DSC3: variants seen among roughly 807,000 people sequenced by gnomAD.
DSC3 encodes the protein desmocollin 3, also known as desmocollin-3.
Under a neutral mutation model 89.5 loss-of-function variants are expected in DSC3, and 97 were observed. The ratio of observed to expected loss-of-function variants is 1.08; its 90% confidence interval spans 0.92 to 1.28. The LOEUF (loss-of-function observed/expected upper bound fraction) is 1.28, where lower values mean the gene tolerates loss of function less well. DSC3 is among the 50% of genes most tolerant of loss of function. The pLI is 0.00. For synonymous variants in DSC3, 436 were observed against 384.1 expected, an observed-to-expected ratio of 1.14 and a Z score of -1.58; for missense variants, 1,199 against 1,085.3, an observed-to-expected ratio of 1.10 and a Z score of -1.47.
intron 7 of DSC3, 38 bp downstream of exon 7, chr18:31,022,298 C>A (rs776656173): frequency 9.3e-6 from 15 of 1,613,172 alleles, no homozygotes; most frequent in Non-Finnish European, 1.3e-5. Flanking sequence ...GAAGCTTAAT[C>A]CTCAGCGAAA....
At chr18:31,012,943 A>G (rs2144700526) in intron 9 of DSC3, among the ~76,000 whole-genome samples, 1 of 152,294 alleles carries the variant, frequency 6.6e-6, no homozygotes, top group South Asian at 2.1e-4. Context: ...ATATAATTGT[A>G]AAAACATCAA....
chr18:31,001,788 T>C (rs370272728), intron 13 of DSC3, 49 bp from the exon 14 acceptor site: 1 of 1,392,400 alleles, frequency 7.2e-7, no homozygotes, highest in African/African-American at 1.5e-5. Flanking sequence ...ATACATAGAA[T>C]AAAATAATCA....
At chr18:31,025,511 T>A (rs80141991) in intron 5 of DSC3, among the ~76,000 whole-genome samples, 156 of 152,230 alleles carry the variant, frequency 1.0e-3, no homozygotes, top group African/African-American at 3.6e-3. Flanking sequence ...TTTACTGACA[T>A]TTACATCGAA....
At chr18:31,014,916 T>G (rs191829366) in intron 9 of DSC3, among the ~76,000 whole-genome samples, 131 of 152,228 alleles carry the variant, frequency 8.6e-4, no homozygotes, top group Non-Finnish European at 1.6e-3. Flanking sequence ...CTTAGGTGGT[T>G]GTTGTGTTTT....
chr18:31,021,966 T>C (rs1985433619), intron 7 of DSC3, among the ~76,000 whole-genome samples: 1 of 151,966 alleles, frequency 6.6e-6, no homozygotes, highest in African/African-American at 2.4e-5. Flanking sequence ...ATATCTATAA[T>C]AATTAAAGTA....
chr18:30,996,582 G>A (rs940999162), intron 15 of DSC3, among the ~76,000 whole-genome samples: 5 of 151,774 alleles, frequency 3.3e-5, no homozygotes, highest in African/African-American at 1.2e-4. Flanking sequence ...ATATTTATGG[G>A]ATTTTATAAA....
chr18:31,011,513 G>A (rs753323916), intron 9 of DSC3, among the ~76,000 whole-genome samples: 6 of 152,160 alleles, frequency 3.9e-5, no homozygotes, highest in Non-Finnish European at 8.8e-5. Flanking sequence ...TAGCAAGGAA[G>A]AACCAGGGCA....
intron 13 of DSC3, among the ~76,000 whole-genome samples, chr18:31,002,436 C>T (rs1255443042): frequency 1.3e-5 from 2 of 152,144 alleles, no homozygotes; most frequent in Non-Finnish European, 1.5e-5. Flanking sequence ...TGCAGTGGCT[C>T]ACGCCTGTAA....
chr18:31,006,958 G>A lies in DSC3; in HGVS notation c.1837C>T (p.Pro613Ser). 1 of 1,613,816 alleles carries A rather than the reference G, an allele frequency of 6.2e-7. No individual in the cohort carries two copies. The highest frequency in any genetic ancestry group is 8.5e-7 in the Non-Finnish European group (1 of 1,179,904). Residue 613 changes from proline (P) to serine (S), a missense_variant, in exon 12 of 16, where the codon CCC (proline) becomes TCC (serine). Coordinates refer to ENST00000360428, the MANE Select transcript of DSC3 (RefSeq NM_001941.5). ...VHGAPFYFSL[P>S]NTSPEISRLW... ...CTACTGATTTCTGGAGAAGTATTGG[G>A]CAAACTGAAATAAAATGGAGCTCCA... is the stretch of plus-strand genomic sequence containing the variant.
chr18:31,034,209 C>G (rs1985898408), intron 1 of DSC3, among the ~76,000 whole-genome samples: 1 of 151,934 alleles, frequency 6.6e-6, no homozygotes. Flanking sequence ...ATAAATAACA[C>G]AGAAAAACGG....
chr18:31,036,381 T>A (rs1449555931), intron 1 of DSC3, among the ~76,000 whole-genome samples: 1 of 152,204 alleles, frequency 6.6e-6, no homozygotes, highest in Non-Finnish European at 1.5e-5. Context: ...TAATCACTTA[T>A]CTATTGTTTG....
At chr18:31,001,033 T>G (rs1984635832) in intron 14 of DSC3, among the ~76,000 whole-genome samples, 2 of 148,540 alleles carry the variant, frequency 1.3e-5, no homozygotes. Context: ...TATATATACT[T>G]TGTGTATATG....
intron 1 of DSC3, among the ~76,000 whole-genome samples, chr18:31,041,092 C>A (rs1598557133): frequency 6.6e-6 from 1 of 152,150 alleles, no homozygotes; most frequent in Admixed American, 6.5e-5. Context: ...CTTGCCACAG[C>A]TCGACACCCC....
At chr18:31,014,606 T>C (rs1985174477) in intron 9 of DSC3, among the ~76,000 whole-genome samples, 1 of 152,158 alleles carries the variant, frequency 6.6e-6, no homozygotes, top group African/African-American at 2.4e-5. Context: ...TGAGATACTA[T>C]AGGTTAAGCA....
chr18:31,025,938 C>G (rs1477760471), intron 4 of DSC3, 23 bp from the exon 5 acceptor site: 1 of 1,602,752 alleles, frequency 6.2e-7, no homozygotes, highest in Non-Finnish European at 8.5e-7. Flanking sequence ...AAAAAATATG[C>G]AAAAAAATTA....
At position 31,022,408 on chromosome 18, in the gene DSC3, C is replaced by T. The variant is rs1289206865; in HGVS notation, c.870G>A (p.Arg290=). ...LKYSILQQTP[R]SPGLFSVHPS... ...GATGCACAGAAAAGAGCCCAGGTGA[C>T]CTTGGTGTCTGCTGCAAAATGCTGT... Residue 290 remains arginine, a synonymous_variant, in exon 7 of 16, where the codon AGG becomes AGA. Transcript: ENST00000360428. 1 of 1,614,042 alleles carries T rather than the reference C, an allele frequency of 6.2e-7. No homozygotes were observed. The highest frequency in any genetic ancestry group is 2.2e-5 in the East Asian group (1 of 44,868).
rs765187450 is a variant in DSC3 at position 31,018,127 on chromosome 18, G to T, written c.1207C>A (p.His403Asn). The change falls in exon 9 of 16, where the codon CAT becomes AAT. Residue 403 changes from histidine (H) to asparagine (N), a missense_variant. Transcript: ENST00000360428. ...FTILKGNENG[H>N]FKISTDKETN... is the part of the protein sequence containing the mutation. ...TCTTTGTCTGTGCTGATTTTGAAAT[G>T]TCCATTTTCATTTCCCTTTAAAATG... 13 of 1,612,616 alleles carry T rather than the reference G, an allele frequency of 8.1e-6. No homozygotes were observed. Among genetic ancestry groups the T allele is most frequent in the Non-Finnish European group, 1.1e-5 (13 of 1,179,288 alleles).
chr18:31,015,662 G>A (rs1985211173), intron 9 of DSC3, among the ~76,000 whole-genome samples: 2 of 152,062 alleles, frequency 1.3e-5, no homozygotes, highest in Non-Finnish European at 2.9e-5. Context: ...CTTGAATAAC[G>A]GCCTTGAGAG....
rs150049178 is a variant in DSC3 at position 31,041,877 on chromosome 18, C to G, written c.69+715G>C. 1.3e-4 allele frequency among the ~76,000 whole-genome samples: 20 copies of G among 152,232 alleles called. No homozygotes were observed. In the East Asian group the frequency reaches 3.9e-3, roughly 30 times the overall value. Reference sequence around the variant, plus strand: ...CCACCGCATCCATCATCCCCCACCACTGTCACCCTCTACCCGCCTCCACAC... The same window carrying G: ...CCACCGCATCCATCATCCCCCACCAGTGTCACCCTCTACCCGCCTCCACAC... On this transcript the variant is annotated intron_variant, in intron 1 of 15. Coordinates refer to ENST00000360428, the MANE Select transcript of DSC3 (RefSeq NM_001941.5).
Sources: gnomAD v4.1 joint callset for allele counts (sites outside exome capture counted in the v4.1 genomes callset) on GRCh38, gnomAD v4.1.1 for gene constraint, MANE v1.5 for transcripts, NCBI Gene and HGNC (gene_info 2026-07-23, HGNC 2026-07-21) for gene names.